Variants in DDX3X observed in about 807,000 individuals in gnomAD.
DDX3X encodes ATP-dependent RNA helicase DDX3X.
In DDX3X, 4 loss-of-function variants were observed where a neutral mutation model predicts 52.7. That is an observed-to-expected ratio of 0.08 (90% CI 0.04 to 0.17). The LOEUF (loss-of-function observed/expected upper bound fraction) is 0.17, where lower values mean the gene tolerates loss of function less well. Ranked by LOEUF, DDX3X falls within the 10% of genes least tolerant of loss-of-function variation. DDX3X has a pLI of 1.00. For missense variants in DDX3X, 222 were observed against 548.6 expected (o/e 0.40, Z 5.95); for synonymous variants, 192 against 178.1 (o/e 1.08, Z -0.62).
At chrX:41,343,092 G>A (rs1409119518) in intron 6 of DDX3X, 124 bp from the exon 7 acceptor site, 1 of 857,866 alleles carries the variant, frequency 1.2e-6, no homozygotes, top group Non-Finnish European at 1.6e-6. Flanking sequence ...AAAGTATAAT[G>A]TGATAATTTT....
chrX:41,345,640 A>C, intron 12 of DDX3X, 92 bp downstream of exon 12: 13 of 782,699 alleles, frequency 1.7e-5, no homozygotes, highest in Non-Finnish European at 2.2e-5. Context: ...GTGTGATCTC[A>C]TTACTGATCA....
At chrX:41,357,693 C>G (rs2064014543) in intron 5 of DDX3X, 1 of 271,686 alleles carries the variant, frequency 3.7e-6, no homozygotes, top group East Asian at 5.3e-5. Context: ...ACCTCAGCCT[C>G]CCAAAGTGCT....
In DDX3X at chrX:41,362,083, CTT is replaced by C. The variant is rs1176759189; in HGVS notation, c.655-2170_655-2169del. Among the ~76,000 whole-genome samples, 124 of 72,702 alleles carry C rather than the reference CTT, an allele frequency of 1.7e-3. 2 individuals carry two copies. Among genetic ancestry groups the C allele is most frequent in the African/African-American group, 6.0e-3 (104 of 17,269 alleles). 63.1% of individuals were successfully genotyped at this position (72,702 alleles called of 115,157 possible). A position where few individuals can be genotyped will look rare whatever the true frequency, so the allele number is the denominator to read the frequency against. ...CTAAAATCCTGAGCCAAATAATTAA[CTT>C]TTTTTTTTTTTTTTTTTTTTGAGAC... On this transcript the variant is annotated intron_variant, in intron 5 of 5. Coordinates refer to the DDX3X transcript ENST00000616050.
At chrX:41,340,749 C>G (rs979010594) in intron 3 of DDX3X, 8 of 294,577 alleles carry the variant, frequency 2.7e-5, no homozygotes, top group Non-Finnish European at 4.1e-5. Flanking sequence ...CTGTATTAAA[C>G]CAAGTAATCT....
chrX:41,343,622 T>A, intron 7 of DDX3X, 115 bp from the exon 8 acceptor site: 1 of 718,186 alleles, frequency 1.4e-6, no homozygotes, highest in Non-Finnish European at 2.0e-6. Context: ...TTTGGAAAAC[T>A]TAAGCATAAA....
In DDX3X at chrX:41,347,966, A is replaced by G; in HGVS notation, c.*247A>G. 2.9e-6 allele frequency: 1 copy of G among 344,924 alleles called. No homozygotes were observed. The highest frequency in any genetic ancestry group is 4.6e-5 in the East Asian group (1 of 21,887). The allele number at this position is 344,924 out of a possible 1,213,427, so 28.4% of individuals were successfully genotyped here. On this transcript the variant is annotated 3_prime_UTR_variant, in exon 17 of 17. Coordinates refer to ENST00000644876, the MANE Select transcript of DDX3X (RefSeq NM_001356.5). ...GTTTGGATTAACTCCCCTCCCGCCT[A>G]CCCCCATCCCAAACTGCATTTATAA...
At chrX:41,334,875 A>G in intron 1 of DDX3X, 1 of 550,321 alleles carries the variant, frequency 1.8e-6, no homozygotes, top group Non-Finnish European at 2.4e-6. Flanking sequence ...CCTCCGGGAG[A>G]CGGCGGGTCT....
chrX:41,351,130 A>G (rs2063982524), downstream of DDX3X: 1 of 111,717 alleles, frequency 9.0e-6, no homozygotes. Flanking sequence ...TAGATTGGAT[A>G]GTCAATGGCT....
chrX:41,357,314 A>G (rs2064013456), intron 5 of DDX3X, among the ~76,000 whole-genome samples: 1 of 111,027 alleles, frequency 9.0e-6, no homozygotes, highest in African/African-American at 3.3e-5. Context: ...TTGCAAAAGT[A>G]ATTTAGCTCT....
intron 3 of DDX3X, chrX:41,340,051 G>A (rs1469082619): frequency 9.1e-6 from 1 of 109,893 alleles, no homozygotes; most frequent in African/African-American, 3.3e-5. Flanking sequence ...TGGGATCACA[G>A]GCATGTGCCA....
chrX:41,358,071 T>C, intron 5 of DDX3X: 1 of 226,456 alleles, frequency 4.4e-6, no homozygotes, highest in Non-Finnish European at 7.4e-6. Context: ...CACTCTTTTT[T>C]TTTTTTTTTT....
At chrX:41,356,700 T>G (rs2064010682) in intron 5 of DDX3X, among the ~76,000 whole-genome samples, 1 of 109,441 alleles carries the variant, frequency 9.1e-6, no homozygotes, top group African/African-American at 3.3e-5. Context: ...TCCCACCTTG[T>G]GATCTGCCCG....
At chrX:41,351,204 G>A (rs1398734025), downstream of DDX3X, 1 of 111,813 alleles carries the variant, frequency 8.9e-6, no homozygotes. Context: ...TGTGAATGAT[G>A]AGTGAACATG....
chrX:41,347,540 C>G lies in DDX3X; in HGVS notation c.1909+89C>G. 3.4e-6 allele frequency: 4 copies of G among 1,159,447 alleles called. No individual in the cohort carries two copies. The South Asian group carries it at 7.5e-5, about 22-fold the overall frequency. ...AAAGCCTAATTAAACAATTTAAGTTCAGCACTATAGAAACTTGATGGCAAA... is the reference window on the plus strand; with the variant it reads ...AAAGCCTAATTAAACAATTTAAGTTGAGCACTATAGAAACTTGATGGCAAA... On this transcript the variant is annotated intron_variant, in intron 16 of 16. Coordinates refer to ENST00000644876, the MANE Select transcript of DDX3X (RefSeq NM_001356.5).
intron 16 of DDX3X, 26 bp from the exon 17 acceptor site, chrX:41,347,614 C>A (rs772797190): frequency 4.0e-5 from 46 of 1,155,305 alleles, no homozygotes; most frequent in Non-Finnish European, 5.2e-5. Flanking sequence ...TCATTAATTT[C>A]TCTCTCTTTT....
chrX:41,338,461 T>C (rs1413949400), intron 2 of DDX3X: 1 of 112,075 alleles, frequency 8.9e-6, no homozygotes, highest in Non-Finnish European at 1.9e-5. Context: ...TTATGTTGTT[T>C]TTTTTGCTTA....
chrX:41,348,270 T>A lies in DDX3X; in HGVS notation c.*551T>A. On this transcript the variant is annotated 3_prime_UTR_variant, in exon 17 of 17. Coordinates refer to ENST00000644876, the MANE Select transcript of DDX3X (RefSeq NM_001356.5). ...GCAGATTGGGGGAAAACAACAAATG[T>A]CTTGAAGCATATTAATGGAATTAGT... 7.3e-6 allele frequency: 1 copy of A among 137,741 alleles called. No homozygotes were observed. The highest frequency in any genetic ancestry group is 1.4e-5 in the Non-Finnish European group (1 of 69,548). The allele number at this position is 137,741 out of a possible 1,213,427, so 11.4% of individuals were successfully genotyped here. A position where few individuals can be genotyped will look rare whatever the true frequency, so the allele number is the denominator to read the frequency against.
Position 41,339,089 on chromosome X carries a change from TC to T in DDX3X, c.151+8del. 9.3e-7 allele frequency: 1 copy of T among 1,070,861 alleles called. No individual in the cohort carries two copies. Among genetic ancestry groups the T allele is most frequent in the Non-Finnish European group, 1.2e-6 (1 of 809,577 alleles). 88.3% of individuals were successfully genotyped at this position (1,070,861 alleles called of 1,213,427 possible). A position where few individuals can be genotyped will look rare whatever the true frequency, so the allele number is the denominator to read the frequency against. ...GAACCGAGAAGCTACTAAAGGTAGG[TC>T]CTCACAAGTAACTTCGTAGGTCTAT... On this transcript the variant is annotated splice_region_variant and intron_variant, in intron 3 of 16. Coordinates refer to ENST00000644876, the MANE Select transcript of DDX3X (RefSeq NM_001356.5).
chrX:41,339,565 C>T (rs2063818454), intron 3 of DDX3X: 1 of 112,289 alleles, frequency 8.9e-6, no homozygotes, highest in Non-Finnish European at 1.9e-5. Flanking sequence ...AAGGTTTTGT[C>T]CAAAATGTAT....
Sources: gnomAD v4.1 joint callset for allele counts (sites outside exome capture counted in the v4.1 genomes callset) on GRCh38, gnomAD v4.1.1 for gene constraint, MANE v1.5 for transcripts, NCBI Gene and HGNC (gene_info 2026-07-23, HGNC 2026-07-21) for gene names.